Variants in NFRKB observed in about 807,000 individuals in gnomAD.
NFRKB encodes the protein nuclear factor related to kappaB binding protein.
Under a neutral mutation model 135.7 loss-of-function variants are expected in NFRKB, and 62 were observed. The observed-to-expected ratio is 0.46, with a 90% CI of 0.37 to 0.56. The LOEUF is 0.56. NFRKB is among the 20% of genes least tolerant of loss of function. The probability of loss-of-function intolerance (pLI) is 0.00; values close to 1 mark genes in which losing one functional copy is unlikely to be tolerated. For missense variants in NFRKB, 1,545 were observed against 1,662.0 expected (o/e 0.93, Z 1.22); for synonymous variants, 678 against 635.6 (o/e 1.07, Z -1.00).
chr11:129,865,116 C>G lies in NFRKB; in HGVS notation c.3639-15G>C. The G allele has an allele frequency of 6.2e-7, 1 of 1,605,058 alleles. No homozygotes were observed. The highest frequency in any genetic ancestry group is 1.1e-5 in the South Asian group (1 of 90,764). Reference sequence around the variant, plus strand: ...ACCCACTGAGGCTGTGGAGGGAAAGCAGGGGTGAGATATAATGATATCGAC... The same window carrying G: ...ACCCACTGAGGCTGTGGAGGGAAAGGAGGGGTGAGATATAATGATATCGAC... On this transcript the variant is annotated splice_polypyrimidine_tract_variant and intron_variant, in intron 25 of 26. Coordinates refer to ENST00000682444, the MANE Select transcript of NFRKB (RefSeq NM_001143835.2).
Position 129,884,210 on chromosome 11 carries a change from CA to C in NFRKB, c.743-68del, listed in dbSNP as rs1208078994. ...CAATTTACATCTTTCTGGTCACTTTCAAAAGTAAGATATTTCTGAGTTTCCC... is the reference window on the plus strand; with the variant it reads ...CAATTTACATCTTTCTGGTCACTTTCAAAGTAAGATATTTCTGAGTTTCCC... On this transcript the variant is annotated intron_variant, in intron 7 of 26. Coordinates refer to ENST00000682444, the MANE Select transcript of NFRKB (RefSeq NM_001143835.2). 53 of 1,356,212 alleles carry C rather than the reference CA, an allele frequency of 3.9e-5. No individual in the cohort carries two copies. The Admixed American group carries it at 5.1e-4, about 13-fold the overall frequency. 84.0% of individuals were successfully genotyped at this position (1,356,212 alleles called of 1,614,324 possible).
intron 2 of NFRKB, chr11:129,893,371 G>T (rs770108582): frequency 5.6e-5 from 11 of 195,872 alleles, no homozygotes; most frequent in South Asian, 3.9e-4. Context: ...TAGCGAACAT[G>T]GCAAAACCCC....
intron 1 of NFRKB, among the ~76,000 whole-genome samples, 194 bp from the exon 2 acceptor site, chr11:129,894,632 G>A (rs1949694270): frequency 1.3e-5 from 2 of 152,208 alleles, no homozygotes; most frequent in South Asian, 4.1e-4. Flanking sequence ...AAACTTAAGC[G>A]TTGAGTCAAG....
At chr11:129,880,308 T>C (rs1228245085) in intron 13 of NFRKB, among the ~76,000 whole-genome samples, 1 of 152,000 alleles carries the variant, frequency 6.6e-6, no homozygotes, top group Non-Finnish European at 1.5e-5. Flanking sequence ...CAGCTGCAAA[T>C]CTAACAGGAG....
Position 129,882,440 on chromosome 11 carries a change from T to A in NFRKB, c.1082+11A>T, listed in dbSNP as rs768497964. 2 of 1,611,826 alleles carry A rather than the reference T, an allele frequency of 1.2e-6. No homozygotes were observed. The highest frequency in any genetic ancestry group is 3.4e-5 in the Admixed American group (2 of 59,566). ...ACCCTGAGAATTACAGAATCTCTGTTGCTCACTTACTCTTCCTTGATAGCA... is the reference window on the plus strand; with the variant it reads ...ACCCTGAGAATTACAGAATCTCTGTAGCTCACTTACTCTTCCTTGATAGCA... On this transcript the variant is annotated intron_variant, in intron 10 of 26. Transcript: ENST00000682444.
rs1386032554 is a variant in NFRKB at position 129,872,984 on chromosome 11, G to C, written c.2663C>G (p.Pro888Arg). 6.2e-7 allele frequency: 1 copy of C among 1,614,256 alleles called. No homozygotes were observed. Among genetic ancestry groups the C allele is most frequent in the East Asian group, 2.2e-5 (1 of 44,882 alleles). ...TVTSLPATAS[P>R]VSKPATSSPG... is the part of the protein sequence containing the mutation. ...AGAACTCGTGGCTGGCTTACTCACA[G>C]GGCTGGCTGTGGCAGGGAGACTTGT... The change falls in exon 23 of 27, where the codon CCT becomes CGT. Residue 888 changes from proline (P) to arginine (R), a missense_variant. Pro to Arg is a moderately radical substitution (Grantham distance 103, BLOSUM62 -2). Coordinates refer to ENST00000682444, the MANE Select transcript of NFRKB (RefSeq NM_001143835.2).
chr11:129,870,401 T>A, intron 23 of NFRKB, 140 bp from the exon 24 acceptor site: 1 of 945,908 alleles, frequency 1.1e-6, no homozygotes. Flanking sequence ...TTCACAGAAG[T>A]AGAGAACAGT....
intron 3 of NFRKB, among the ~76,000 whole-genome samples, chr11:129,890,793 T>A (rs1036467516): frequency 1.3e-5 from 2 of 152,262 alleles, no homozygotes; most frequent in South Asian, 2.1e-4. Context: ...TGGCATCCCA[T>A]CCCAGGGCAC....
At chr11:129,865,473 C>T (rs1174578696) in intron 25 of NFRKB, among the ~76,000 whole-genome samples, 1 of 152,170 alleles carries the variant, frequency 6.6e-6, no homozygotes, top group Admixed American at 6.5e-5. Context: ...GCCCTTTATC[C>T]CTGTTTAAAT....
At position 129,874,692 on chromosome 11, in the gene NFRKB, C is replaced by T; in HGVS notation, c.1978+101G>A. ...GTGGACTGAATCCTGCCTCTACCAT[C>T]TTGTCCTACCTATATGCCAATGAAA... On this transcript the variant is annotated intron_variant, in intron 19 of 26. Transcript: ENST00000682444. The surrounding 1 kb of genome is among the most constrained non-coding windows in gnomAD (Gnocchi z 4.5). 6.2e-7 allele frequency: 1 copy of T among 1,604,348 alleles called. No individual in the cohort carries two copies.
intron 7 of NFRKB, 47 bp from the exon 8 acceptor site, chr11:129,884,190 T>A: frequency 6.5e-7 from 1 of 1,540,204 alleles, no homozygotes; most frequent in Non-Finnish European, 8.8e-7. Flanking sequence ...TTCTCCAATT[T>A]ACATCTTTCT....
chr11:129,869,662 A>G lies in NFRKB; in HGVS notation c.3363T>C (p.Ser1121=), dbSNP rs750530055. ...ACACCGCTGAAGTATGGACAGTTCC[A>G]GACCCACTGGCCACCGAGGCCCCTT... ...AKQGASVASG[S]GTVHTSAVSL... is the part of the protein sequence containing the mutation. Residue 1121 remains serine (S), a synonymous_variant, in exon 24 of 27, where the codon TCT becomes TCC. Coordinates refer to ENST00000682444, the MANE Select transcript of NFRKB (RefSeq NM_001143835.2). The G allele has an allele frequency of 6.2e-7, 1 of 1,614,068 alleles. No homozygotes were observed. Among genetic ancestry groups the G allele is most frequent in the Non-Finnish European group, 8.5e-7 (1 of 1,180,038 alleles).
chr11:129,864,927 A>G, intron 26 of NFRKB, 39 bp downstream of exon 26: 1 of 1,612,436 alleles, frequency 6.2e-7, no homozygotes. Context: ...GGAATCAGAG[A>G]GGAGCCGGAT....
At chr11:129,873,626 T>A in intron 22 of NFRKB, 119 bp downstream of exon 22, 1 of 1,350,864 alleles carries the variant, frequency 7.4e-7, no homozygotes, top group Non-Finnish European at 1.0e-6. Flanking sequence ...ATGAATGTCA[T>A]CACCAGTAGC....
In NFRKB at chr11:129,882,519, G is replaced by C; in HGVS notation, c.1014C>G (p.Ser338Arg). 1 of 1,614,046 alleles carries C rather than the reference G, an allele frequency of 6.2e-7. No homozygotes were observed. The highest frequency in any genetic ancestry group is 8.5e-7 in the Non-Finnish European group (1 of 1,179,958). The change falls in exon 10 of 27, where the codon AGC (serine) becomes AGG (arginine). Residue 338 changes from serine (S) to arginine (R), a missense_variant. Transcript: ENST00000682444. ...SEAEDLAEPL[S>R]STEGVAPLSQ... ...AGAGAGGTGCGACCCCTTCAGTACTGCTTAGCGGCTCGGCCAGGTCCTCTG... is the reference window on the plus strand; with the variant it reads ...AGAGAGGTGCGACCCCTTCAGTACTCCTTAGCGGCTCGGCCAGGTCCTCTG...
chr11:129,888,217 T>C (rs1949372228), intron 4 of NFRKB: 2 of 528,766 alleles, frequency 3.8e-6, no homozygotes, highest in South Asian at 2.3e-5. Flanking sequence ...AGTGTGTGTG[T>C]ACCTAAACAC....
At chr11:129,887,342 T>C (rs1364387201) in intron 4 of NFRKB, among the ~76,000 whole-genome samples, 1 of 152,176 alleles carries the variant, frequency 6.6e-6, no homozygotes, top group East Asian at 1.9e-4. Flanking sequence ...TGCTTCTTAA[T>C]GATAAAGGAA....
At position 129,864,703 on chromosome 11, in the gene NFRKB, C is replaced by T. The variant is rs369441928; in HGVS notation, c.*22G>A. The T allele has an allele frequency of 7.9e-5, 128 of 1,613,900 alleles. No homozygotes were observed. Among genetic ancestry groups the T allele is most frequent in the East Asian group, 4.9e-4 (22 of 44,880 alleles). Reference sequence around the variant, plus strand: ...AGGACAGACCAGGCATGGTCTTTCACGGAAGCCATCCTCTCTCATAATCAT... The same window carrying T: ...AGGACAGACCAGGCATGGTCTTTCATGGAAGCCATCCTCTCTCATAATCAT... On this transcript the variant is annotated 3_prime_UTR_variant, in exon 27 of 27. Coordinates refer to ENST00000682444, the MANE Select transcript of NFRKB (RefSeq NM_001143835.2).
intron 15 of NFRKB, 125 bp downstream of exon 15, chr11:129,878,184 G>C (rs981851064): frequency 9.4e-6 from 9 of 960,672 alleles, no homozygotes; most frequent in Admixed American, 5.1e-5. Context: ...GGAAGAACCA[G>C]GGGACTCCTC....
Sources: gnomAD v4.1 joint callset for allele counts (sites outside exome capture counted in the v4.1 genomes callset) on GRCh38, gnomAD v4.1.1 for gene constraint, Gnocchi (gnomAD v3.1) non-coding constraint, MANE v1.5 for transcripts, NCBI Gene and HGNC (gene_info 2026-07-23, HGNC 2026-07-21) for gene names.